The following VRK2 variants were observed in gnomAD, a reference collection of about 807,000 sequenced individuals.
The protein encoded by VRK2 is serine/threonine-protein kinase VRK2.
A neutral mutation model predicts 57.6 loss-of-function variants in VRK2; 60 were observed. The observed-to-expected ratio is 1.04, with a 90% CI of 0.85 to 1.29. VRK2 has a LOEUF of 1.29. Ranked by LOEUF, VRK2 falls within the 50% of genes most tolerant of loss-of-function variation. The pLI is 0.00. For missense variants in VRK2, 705 were observed against 588.1 expected (o/e 1.20, Z -2.06); for synonymous variants, 231 against 199.2 (o/e 1.16, Z -1.35).
intron 1 of VRK2, among the ~76,000 whole-genome samples, chr2:57,926,439 ATGTGTGTGTGTGTG>A (rs142768773): frequency 1.1e-4 from 16 of 145,654 alleles, no homozygotes; most frequent in Non-Finnish European, 2.3e-4. Context: ...ACATATATAT[ATGTGTGTGTGTGTG>A]TGTGTGTGTG....
intron 12 of VRK2, among the ~76,000 whole-genome samples, chr2:58,156,792 T>TACATAA (rs1304646450): frequency 6.6e-6 from 1 of 152,234 alleles, no homozygotes; most frequent in Non-Finnish European, 1.5e-5. Context: ...CATATTTATG[T>TACATAA]AGATGTTTTA....
At chr2:57,942,843 C>G (rs1302835810) in intron 1 of VRK2, among the ~76,000 whole-genome samples, 1 of 152,148 alleles carries the variant, frequency 6.6e-6, no homozygotes, top group East Asian at 1.9e-4. Context: ...AATGACTTCA[C>G]AGTCAATAAC....
chr2:58,136,138 T>C (rs1331939055), intron 10 of VRK2, among the ~76,000 whole-genome samples: 1 of 152,142 alleles, frequency 6.6e-6, no homozygotes, highest in Admixed American at 6.6e-5. Flanking sequence ...AAACCAAAAT[T>C]TTCATTTGTG....
chr2:58,135,090 A>T (rs1679822877), intron 9 of VRK2, 51 bp from the exon 10 acceptor site: 1 of 1,595,776 alleles, frequency 6.3e-7, no homozygotes, highest in Non-Finnish European at 8.6e-7. Flanking sequence ...TAGTCAAAAT[A>T]ATCACAGGGT....
At chr2:58,099,815 A>C (rs536789872) in intron 7 of VRK2, among the ~76,000 whole-genome samples, 1 of 152,196 alleles carries the variant, frequency 6.6e-6, no homozygotes, top group East Asian at 1.9e-4. Flanking sequence ...CAGAATTGCA[A>C]ATCACTTAAC....
At position 57,972,929 on chromosome 2, in the gene VRK2, G is replaced by A. The variant is rs146813853; in HGVS notation, c.-438-52736G>A. Among the ~76,000 whole-genome samples the A allele has an allele frequency of 8.2e-3, 1,253 of 151,900 alleles. 52 individuals carry two copies. Among genetic ancestry groups the A allele is most frequent in the Admixed American group, 0.077 (1,173 of 15,210 alleles). On this transcript the variant is annotated intron_variant, in intron 1 of 15. Coordinates refer to the VRK2 transcript ENST00000417641. ...ATAGTTCAATCAATCTTCCATTGAT[G>A]AGCATTTGGGTTCTTTCTAGTCTTT...
chr2:58,001,658 T>C (rs1162978125), intron 1 of VRK2, among the ~76,000 whole-genome samples: 2 of 151,894 alleles, frequency 1.3e-5, no homozygotes, highest in Non-Finnish European at 2.9e-5. Flanking sequence ...CCCGTCTCTA[T>C]TAAAAATACA....
Position 58,117,341 on chromosome 2 carries a change from C to T in VRK2, c.544-5760C>T, listed in dbSNP as rs1055269186. Among the ~76,000 whole-genome samples, 9 of 152,130 alleles carry T rather than the reference C, an allele frequency of 5.9e-5. No individual in the cohort carries two copies. The East Asian group carries it at 9.7e-4, about 16-fold the overall frequency. On this transcript the variant is annotated intron_variant, in intron 7 of 12. Transcript: ENST00000340157. ...AAATTGCTGGGCAGGTTGGGGAGGG[C>T]TAGTCACAGAAGGAAACTGTAAGCC...
chr2:57,921,981 G>A (rs2717007), intron 1 of VRK2, among the ~76,000 whole-genome samples: 105,594 of 151,948 alleles, frequency 0.69, 38,192 homozygotes, highest in African/African-American at 0.92. Context: ...TTTGTTCCTC[G>A]TTATTTGCTC....
At chr2:58,081,093 TG>T (rs1670798539) in intron 2 of VRK2, among the ~76,000 whole-genome samples, 1 of 152,038 alleles carries the variant, frequency 6.6e-6, no homozygotes, top group African/African-American at 2.4e-5. Context: ...TTTTTTTCAT[TG>T]ATATCAAATT....
intron 8 of VRK2, 66 bp downstream of exon 8, chr2:58,123,299 G>A: frequency 6.5e-7 from 1 of 1,544,796 alleles, no homozygotes; most frequent in South Asian, 1.2e-5. Flanking sequence ...GGGTAATGAG[G>A]CTGCATGAAA....
At chr2:57,987,226 A>G (rs1457861290) in intron 1 of VRK2, among the ~76,000 whole-genome samples, 2 of 152,104 alleles carry the variant, frequency 1.3e-5, no homozygotes, top group Admixed American at 6.5e-5. Context: ...ACAACAAACC[A>G]CAAACCAAGA....
chr2:57,993,469 C>G (rs1222076165), intron 1 of VRK2, among the ~76,000 whole-genome samples: 1 of 151,446 alleles, frequency 6.6e-6, no homozygotes, highest in Non-Finnish European at 1.5e-5. Context: ...AAGCCATGTC[C>G]CTGCTCTGCT....
rs761731327 is a variant in VRK2 at position 58,086,287 on chromosome 2, A to G, written c.257-52A>G. On this transcript the variant is annotated intron_variant, in intron 4 of 12. Coordinates refer to ENST00000340157, the MANE Select transcript of VRK2 (RefSeq NM_006296.7). ...TAAATTTGTCTGTAGAAAGGTGACAAGTATCTTTTCAAATAACATGAATCT... is the reference window on the plus strand; with the variant it reads ...TAAATTTGTCTGTAGAAAGGTGACAGGTATCTTTTCAAATAACATGAATCT... The G allele has an allele frequency of 7.4e-6, 11 of 1,477,480 alleles. No individual in the cohort carries two copies. The Admixed American group carries it at 1.6e-4, about 22-fold the overall frequency. 91.5% of individuals were successfully genotyped at this position (1,477,480 alleles called of 1,614,324 possible). A position where few individuals can be genotyped will look rare whatever the true frequency, so the allele number is the denominator to read the frequency against.
At chr2:58,157,104 T>C (rs1684000205) in intron 12 of VRK2, among the ~76,000 whole-genome samples, 1 of 152,226 alleles carries the variant, frequency 6.6e-6, no homozygotes, top group Non-Finnish European at 1.5e-5. Context: ...TAGGTCTGTG[T>C]TATTTTCCCT....
chr2:58,158,439 C>T (rs1028167240), intron 12 of VRK2, among the ~76,000 whole-genome samples: 1 of 152,030 alleles, frequency 6.6e-6, no homozygotes, highest in Non-Finnish European at 1.5e-5. Context: ...CTGACACTTC[C>T]AAAACTCTGT....
intron 1 of VRK2, among the ~76,000 whole-genome samples, chr2:57,929,237 T>A (rs1415573804): frequency 2.0e-5 from 3 of 152,228 alleles, no homozygotes; most frequent in African/African-American, 7.2e-5. Flanking sequence ...TGGTGCCTTA[T>A]TCTACTGTGG....
chr2:57,921,395 T>C (rs1670344126), intron 1 of VRK2, among the ~76,000 whole-genome samples: 2 of 151,960 alleles, frequency 1.3e-5, no homozygotes, highest in African/African-American at 4.8e-5. Flanking sequence ...AAATGTATAC[T>C]ATATCTTCAG....
intron 1 of VRK2, among the ~76,000 whole-genome samples, chr2:57,999,600 T>C (rs1322714980): frequency 6.6e-6 from 1 of 152,148 alleles, no homozygotes; most frequent in Non-Finnish European, 1.5e-5. Flanking sequence ...ATAAAAAATT[T>C]TGAAAGAATG....
Sources: gnomAD v4.1 joint callset for allele counts (sites outside exome capture counted in the v4.1 genomes callset) on GRCh38, gnomAD v4.1.1 for gene constraint, MANE v1.5 for transcripts, NCBI Gene and HGNC (gene_info 2026-07-23, HGNC 2026-07-21) for gene names.